Variants in CD1B observed in about 807,000 individuals in gnomAD.
The protein encoded by CD1B is CD1b molecule.
Under a neutral mutation model 39.8 loss-of-function variants are expected in CD1B, and 43 were observed. The observed-to-expected ratio is 1.08, with a 90% CI of 0.85 to 1.39. CD1B has a LOEUF of 1.39. CD1B is among the 40% of genes most tolerant of loss of function. The probability of loss-of-function intolerance (pLI) is 0.00; values close to 1 mark genes in which losing one functional copy is unlikely to be tolerated. For missense variants in CD1B, 495 were observed against 403.8 expected, an observed-to-expected ratio of 1.23 and a Z score of -1.94; for synonymous variants, 192 against 152.5, an observed-to-expected ratio of 1.26 and a Z score of -1.91.
At chr1:158,293,378 C>T in the CD1B span, 1 of 1,591,160 alleles carries the variant, frequency 6.3e-7, no homozygotes, top group Non-Finnish European at 8.6e-7. Flanking sequence ...TAGCTTTTCT[C>T]TATTGACTAC....
chr1:158,304,480 C>T, the CD1B span, among the ~76,000 whole-genome samples: 2 of 152,168 alleles, frequency 1.3e-5, no homozygotes, highest in Admixed American at 6.5e-5. Flanking sequence ...CTCAAGGAGG[C>T]CTGCCTGCCT....
At chr1:158,310,508 T>C in the CD1B span, among the ~76,000 whole-genome samples, 7 of 151,962 alleles carry the variant, frequency 4.6e-5, no homozygotes, top group Admixed American at 2.6e-4. Context: ...GCAAACAAAA[T>C]TGTCAACAGA....
At chr1:158,299,081 T>G in the CD1B span, among the ~76,000 whole-genome samples, 2 of 152,180 alleles carry the variant, frequency 1.3e-5, no homozygotes, top group African/African-American at 4.8e-5. Flanking sequence ...GAGGGCATCC[T>G]TGTCTTGTGC....
the CD1B span, chr1:158,291,461 C>T: frequency 2.6e-6 from 4 of 1,553,062 alleles, no homozygotes; most frequent in East Asian, 4.5e-5. Flanking sequence ...GGGAAATATT[C>T]TCTACTAATT....
chr1:158,302,390 T>C, the CD1B span, among the ~76,000 whole-genome samples: 7 of 148,642 alleles, frequency 4.7e-5, no homozygotes, highest in Non-Finnish European at 1.5e-5. Flanking sequence ...ACTAGAAAAA[T>C]AAGGAAAAAA....
At position 158,329,722 on chromosome 1, in the gene CD1B, A is replaced by T; in HGVS notation, c.608-74T>A. The T allele has an allele frequency of 1.9e-6, 3 of 1,572,818 alleles. No homozygotes were observed. The South Asian group carries it at 3.6e-5, about 19-fold the overall frequency. On this transcript the variant is annotated intron_variant, in intron 3 of 5. Coordinates refer to ENST00000368168, the MANE Select transcript of CD1B (RefSeq NM_001764.3). The stretch of plus-strand genomic sequence containing the variant: ...GAGGTTATGAACTCAGAAACCTACA[A>T]GCTTGGACAGCGACCCCATTCACTC...
the CD1B span, among the ~76,000 whole-genome samples, chr1:158,321,554 C>G: frequency 1.3e-5 from 2 of 152,132 alleles, no homozygotes; most frequent in Non-Finnish European, 2.9e-5. Context: ...TTTGTTACTT[C>G]TTTCCTAGTT....
the CD1B span, among the ~76,000 whole-genome samples, chr1:158,288,793 CA>C: frequency 6.6e-6 from 1 of 152,176 alleles, no homozygotes; most frequent in East Asian, 1.9e-4. Context: ...TCCTGGATCT[CA>C]AAAAAACTGT....
the CD1B span, among the ~76,000 whole-genome samples, chr1:158,308,317 C>A: frequency 6.6e-6 from 1 of 152,106 alleles, no homozygotes; most frequent in African/African-American, 2.4e-5. Context: ...AACCACTGCT[C>A]AGTGAAATAA....
chr1:158,303,444 G>T, the CD1B span, among the ~76,000 whole-genome samples: 1 of 152,170 alleles, frequency 6.6e-6, no homozygotes, highest in Non-Finnish European at 1.5e-5. Context: ...AATCAGGGAA[G>T]AGAAAGGCAT....
At chr1:158,311,156 T>TTGTTA in the CD1B span, among the ~76,000 whole-genome samples, 2 of 152,152 alleles carry the variant, frequency 1.3e-5, no homozygotes, top group African/African-American at 4.8e-5. Context: ...CTATTTTTGT[T>TTGTTA]TGTTTTGTTT....
At chr1:158,292,116 G>A in the CD1B span, 1 of 1,614,082 alleles carries the variant, frequency 6.2e-7, no homozygotes, top group South Asian at 1.1e-5. Context: ...AGCGGGCTGT[G>A]AGCTGCATTC....
chr1:158,331,212 G>T (rs778682789), intron 1 of CD1B, 150 bp from the exon 2 acceptor site: 158 of 1,089,270 alleles, frequency 1.5e-4, no homozygotes, highest in Non-Finnish European at 2.0e-4. Context: ...TAAGGCTTCA[G>T]GTTCTAGTCC....
rs1021805831 is a variant in CD1B, at chr1:158,331,395, G to A, written c.29C>T (p.Ala10Val). 16 of 1,613,906 alleles carry A rather than the reference G, an allele frequency of 9.9e-6. No homozygotes were observed. Among genetic ancestry groups the A allele is most frequent in the African/African-American group, 2.7e-5 (2 of 74,916 alleles). Reference sequence around the variant, plus strand: ...ACTGTTACCACCAGGAAAGAGAACAGCTAACAGTTGAAATGGCAGCAGCAG... The same window carrying A: ...ACTGTTACCACCAGGAAAGAGAACAACTAACAGTTGAAATGGCAGCAGCAG... MLLLPFQLL[A>V]VLFPGGNSEH... Residue 10 changes from alanine (A) to valine (V), a missense_variant, in exon 1 of 6, where the codon GCT (alanine) becomes GTT (valine). Physicochemically the swap from Ala to Val is moderately conservative, Grantham distance 64. Transcript: ENST00000368168.
the CD1B span, among the ~76,000 whole-genome samples, chr1:158,315,944 G>T: frequency 6.6e-6 from 1 of 151,922 alleles, no homozygotes; most frequent in East Asian, 1.9e-4. Context: ...TTTTTCTCAG[G>T]TTTGTCAAAG....
At chr1:158,289,544 A>T in the CD1B span, among the ~76,000 whole-genome samples, 1 of 152,316 alleles carries the variant, frequency 6.6e-6, no homozygotes, top group South Asian at 2.1e-4. Context: ...AAGAGGTGAA[A>T]TTGGAAAGAG....
the CD1B span, among the ~76,000 whole-genome samples, chr1:158,310,172 A>T: frequency 1.5e-4 from 23 of 152,132 alleles, no homozygotes; most frequent in African/African-American, 5.6e-4. Context: ...TGCACACCTT[A>T]CAACCATCTG....
chr1:158,328,402 G>A (rs542271246), intron 5 of CD1B, 145 bp from the exon 6 acceptor site: 108 of 575,920 alleles, frequency 1.9e-4, no homozygotes, highest in African/African-American at 1.6e-3. Flanking sequence ...TGTGTTATAC[G>A]CATATGGTGG....
the CD1B span, among the ~76,000 whole-genome samples, chr1:158,320,612 C>A: frequency 6.6e-6 from 1 of 152,158 alleles, no homozygotes; most frequent in African/African-American, 2.4e-5. Context: ...CAGAAATCAC[C>A]CATCTTCTGC....
Sources: allele counts gnomAD v4.1 joint callset (sites outside exome capture counted in the v4.1 genomes callset), GRCh38; gene constraint gnomAD v4.1.1; transcripts MANE v1.5; gene names NCBI Gene and HGNC (gene_info 2026-07-23, HGNC 2026-07-21).